LRRC69: variants seen among roughly 807,000 people sequenced by gnomAD.
The protein encoded by LRRC69 is leucine-rich repeat-containing protein 69.
LRRC69 carries 42 observed loss-of-function variants against 37.8 expected under a neutral mutation model. That is an observed-to-expected ratio of 1.11 (90% CI 0.87 to 1.44). The LOEUF (loss-of-function observed/expected upper bound fraction) is 1.44, where lower values mean the gene tolerates loss of function less well. LRRC69 is among the 40% of genes most tolerant of loss of function. The pLI is 0.00. For synonymous variants in LRRC69, 141 were observed against 143.1 expected (o/e 0.99, Z 0.11); for missense variants, 357 against 401.9 (o/e 0.89, Z 0.96).
chr8:91,215,326 A>G (rs139489889), intron 7 of LRRC69, among the ~76,000 whole-genome samples: 173 of 152,240 alleles, frequency 1.1e-3, no homozygotes, highest in Non-Finnish European at 2.1e-3. Flanking sequence ...TTGAAATCTT[A>G]TCCAAACTTT....
intron 5 of LRRC69, among the ~76,000 whole-genome samples, chr8:91,181,523 A>G (rs117235114): frequency 0.011 from 1,749 of 152,294 alleles, 15 homozygotes; most frequent in South Asian, 0.035. Context: ...AACTGACATA[A>G]CATACATGCA....
chr8:91,206,008 T>C (rs1166678347), intron 7 of LRRC69, among the ~76,000 whole-genome samples: 2 of 152,186 alleles, frequency 1.3e-5, no homozygotes, highest in Non-Finnish European at 2.9e-5. Flanking sequence ...TAGTAATCGA[T>C]TTACTTGGTG....
At chr8:91,150,423 C>T (rs898031173) in intron 5 of LRRC69, among the ~76,000 whole-genome samples, 4 of 151,990 alleles carry the variant, frequency 2.6e-5, no homozygotes, top group South Asian at 2.1e-4. Context: ...CCTTGCATCC[C>T]AGAGATGAAG....
chr8:91,117,154 G>A (rs1410038653), intron 1 of LRRC69, among the ~76,000 whole-genome samples: 33 of 150,784 alleles, frequency 2.2e-4, no homozygotes, highest in Non-Finnish European at 1.5e-4. Flanking sequence ...GAAACATTTA[G>A]GATATACTGG....
intron 6 of LRRC69, among the ~76,000 whole-genome samples, chr8:91,197,134 G>C (rs1282346654): frequency 6.6e-6 from 1 of 152,154 alleles, no homozygotes; most frequent in African/African-American, 2.4e-5. Context: ...GCTGGGGGGT[G>C]CCTCCCAGTT....
At chr8:91,188,503 A>C (rs1166184734) in intron 5 of LRRC69, among the ~76,000 whole-genome samples, 1 of 152,158 alleles carries the variant, frequency 6.6e-6, no homozygotes, top group Non-Finnish European at 1.5e-5. Context: ...ATCAACACTC[A>C]CTGCAAATTG....
chr8:91,190,742 G>A (rs1209050236), intron 6 of LRRC69, among the ~76,000 whole-genome samples: 2 of 151,912 alleles, frequency 1.3e-5, no homozygotes, highest in Non-Finnish European at 2.9e-5. Flanking sequence ...ATAATTTTCT[G>A]GCTTTTTAGC....
rs183671627 is a variant in LRRC69, at chr8:91,154,209, T to G, written c.651+18470T>G. ...ATAGACCAATAACAAGTTCTGAAAT[T>G]GAGGCAGGAATAAATAACCTACCAA... On this transcript the variant is annotated intron_variant, in intron 5 of 7. Transcript: ENST00000448384. Among the ~76,000 whole-genome samples the G allele has an allele frequency of 4.0e-5, 6 of 151,482 alleles. No individual in the cohort carries two copies. The East Asian group carries it at 7.7e-4, about 20-fold the overall frequency.
At chr8:91,120,763 C>T (rs1018006460) in intron 1 of LRRC69, among the ~76,000 whole-genome samples, 8 of 152,074 alleles carry the variant, frequency 5.3e-5, no homozygotes, top group Non-Finnish European at 1.0e-4. Flanking sequence ...TCTTTGCCTT[C>T]TACTTCAGCC....
At chr8:91,164,418 A>G (rs1195733252) in intron 5 of LRRC69, among the ~76,000 whole-genome samples, 1 of 151,622 alleles carries the variant, frequency 6.6e-6, no homozygotes, top group Admixed American at 6.6e-5. Context: ...CATGGCCTAG[A>G]AGTCTGAAGA....
intron 5 of LRRC69, among the ~76,000 whole-genome samples, chr8:91,153,965 C>T (rs1586250934): frequency 6.6e-6 from 1 of 151,694 alleles, no homozygotes; most frequent in Non-Finnish European, 1.5e-5. Flanking sequence ...AGATAGACTG[C>T]TAGCTACACT....
At chr8:91,159,169 TA>T (rs2130561505) in intron 5 of LRRC69, among the ~76,000 whole-genome samples, 1 of 151,150 alleles carries the variant, frequency 6.6e-6, no homozygotes, top group African/African-American at 2.4e-5. Flanking sequence ...TCACACCTAA[TA>T]TTCAGAGGGA....
Position 91,123,520 on chromosome 8 carries a change from C to T in LRRC69, c.184-973C>T, listed in dbSNP as rs563905776. Among the ~76,000 whole-genome samples, 12 of 152,054 alleles carry T rather than the reference C, an allele frequency of 7.9e-5. No homozygotes were observed. The East Asian group carries it at 1.5e-3, about 20-fold the overall frequency. ...TGTGTTAATTTAAATCATTGTCTTACATCCATAACAAGTACTAAGTGACAT... is the reference window on the plus strand; with the variant it reads ...TGTGTTAATTTAAATCATTGTCTTATATCCATAACAAGTACTAAGTGACAT... On this transcript the variant is annotated intron_variant, in intron 1 of 7. Transcript: ENST00000448384.
intron 4 of LRRC69, 44 bp from the exon 5 acceptor site, chr8:91,135,624 A>T: frequency 1.6e-6 from 2 of 1,217,340 alleles, no homozygotes; most frequent in East Asian, 5.8e-5. Context: ...TATGATTTTA[A>T]ATATTAGATT....
intron 5 of LRRC69, among the ~76,000 whole-genome samples, chr8:91,152,571 A>G (rs893130016): frequency 1.3e-5 from 2 of 151,622 alleles, no homozygotes; most frequent in Admixed American, 6.6e-5. Flanking sequence ...TGATGCCTAC[A>G]GTTTTGTTCT....
chr8:91,199,457 A>G (rs1563623084), intron 6 of LRRC69, among the ~76,000 whole-genome samples: 1 of 152,164 alleles, frequency 6.6e-6, no homozygotes, highest in Non-Finnish European at 1.5e-5. Context: ...ATAATAGGAA[A>G]TGGACACAGC....
chr8:91,185,582 T>TG (rs11459360), intron 5 of LRRC69, among the ~76,000 whole-genome samples: 103,387 of 151,444 alleles, frequency 0.68, 35,801 homozygotes, highest in African/African-American at 0.76. Context: ...CAGATATTTT[T>TG]TCTTTCTTAT....
At chr8:91,196,843 G>A (rs1809611278) in intron 6 of LRRC69, among the ~76,000 whole-genome samples, 1 of 152,208 alleles carries the variant, frequency 6.6e-6, no homozygotes, top group East Asian at 1.9e-4. Context: ...CTCTCAGCTT[G>A]TCAAAGTTGT....
chr8:91,209,127 C>A (rs569304087), intron 7 of LRRC69, among the ~76,000 whole-genome samples: 1 of 152,174 alleles, frequency 6.6e-6, no homozygotes, highest in African/African-American at 2.4e-5. Flanking sequence ...CAGGTTGCAT[C>A]GATAAGAAGC....
Sources: allele counts gnomAD v4.1 joint callset (sites outside exome capture counted in the v4.1 genomes callset), GRCh38; gene constraint gnomAD v4.1.1; transcripts MANE v1.5; gene names NCBI Gene and HGNC (gene_info 2026-07-23, HGNC 2026-07-21).